Variants in MTHFD2L observed in about 807,000 individuals in gnomAD.
The protein encoded by MTHFD2L is bifunctional methylenetetrahydrofolate dehydrogenase/cyclohydrolase 2, mitochondrial.
In MTHFD2L, 29 loss-of-function variants were observed where a neutral mutation model predicts 34.9. The ratio of observed to expected loss-of-function variants is 0.83; its 90% CI spans 0.62 to 1.13. The LOEUF is 1.13. Among genes scored for constraint, MTHFD2L ranks in the 50% most tolerant of loss-of-function variants. MTHFD2L has a pLI of 0.00. For synonymous variants in MTHFD2L, 167 were observed against 155.7 expected (o/e 1.07, Z -0.54); for missense variants, 481 against 446.5 (o/e 1.08, Z -0.70).
intron 3 of MTHFD2L, among the ~76,000 whole-genome samples, chr4:74,192,827 T>A (rs1336972426): frequency 6.6e-6 from 1 of 152,044 alleles, no homozygotes; most frequent in Non-Finnish European, 1.5e-5. Flanking sequence ...GTGCTTTTTT[T>A]TATATATCTG....
chr4:74,234,540 A>C (rs1393070810), intron 6 of MTHFD2L, among the ~76,000 whole-genome samples: 1 of 152,068 alleles, frequency 6.6e-6, no homozygotes, highest in African/African-American at 2.4e-5. Flanking sequence ...GTAATGTTTA[A>C]GTTTATACAT....
intron 6 of MTHFD2L, among the ~76,000 whole-genome samples, chr4:74,239,613 T>C (rs1005797663): frequency 6.6e-6 from 1 of 152,162 alleles, no homozygotes; most frequent in Non-Finnish European, 1.5e-5. Flanking sequence ...ATGTGAGAAT[T>C]AACGAGTACT....
chr4:74,289,170 A>G (rs1483666065), intron 7 of MTHFD2L, among the ~76,000 whole-genome samples: 1 of 152,232 alleles, frequency 6.6e-6, no homozygotes, highest in African/African-American at 2.4e-5. Context: ...ACATATCTAT[A>G]TAACAAGGCA....
At chr4:74,300,251 A>G (rs575428965) in intron 7 of MTHFD2L, among the ~76,000 whole-genome samples, 19 of 152,110 alleles carry the variant, frequency 1.2e-4, no homozygotes, top group African/African-American at 3.9e-4. Context: ...CATGTTAACT[A>G]TATATATTTT....
At chr4:74,246,429 G>A (rs886303681) in intron 6 of MTHFD2L, among the ~76,000 whole-genome samples, 2 of 151,696 alleles carry the variant, frequency 1.3e-5, no homozygotes, top group African/African-American at 4.8e-5. Flanking sequence ...TTTGTAGGTT[G>A]CCTGTTCACT....
rs1006120574 is a variant in MTHFD2L, at chr4:74,158,250, G to C, written c.112G>C (p.Ala38Pro). ...SVRAPGEPGS[A>P]FRGFRSSGVR... is the part of the protein sequence containing the mutation. ...AAGGGCACCGGGAGAGCCCGGGAGT[G>C]CGTTCCGGGGCTTTCGGAGCAGCGG... is the stretch of plus-strand genomic sequence containing the variant. Residue 38 changes from alanine (A) to proline (P), a missense_variant, in exon 1 of 8, where the codon GCG (alanine) becomes CCG (proline). Ala to Pro is a conservative substitution (Grantham distance 27). Coordinates refer to ENST00000325278, the MANE Select transcript of MTHFD2L (RefSeq NM_001144978.3). 25 of 1,462,798 alleles carry C rather than the reference G, an allele frequency of 1.7e-5. No individual in the cohort carries two copies. The highest frequency in any genetic ancestry group is 1.0e-4 in the African/African-American group (7 of 68,786). 90.6% of individuals were successfully genotyped at this position (1,462,798 alleles called of 1,614,324 possible). A position where few individuals can be genotyped will look rare whatever the true frequency, so the allele number is the denominator to read the frequency against.
intron 5 of MTHFD2L, among the ~76,000 whole-genome samples, chr4:74,204,161 T>G (rs1734921594): frequency 6.6e-6 from 1 of 152,068 alleles, no homozygotes; most frequent in Non-Finnish European, 1.5e-5. Flanking sequence ...AGACATGGAG[T>G]CAGGCCCCCT....
Position 74,164,065 on chromosome 4 carries a change from C to T in MTHFD2L, c.143+5784C>T, listed in dbSNP as rs184079749. On this transcript the variant is annotated intron_variant, in intron 1 of 7. Coordinates refer to ENST00000325278, the MANE Select transcript of MTHFD2L (RefSeq NM_001144978.3). Reference sequence around the variant, plus strand: ...TAATTTTTTGTATTTTTAGTAGGGACGGGGTTTCACCGTGTTAGCCAGGAT... The same window carrying T: ...TAATTTTTTGTATTTTTAGTAGGGATGGGGTTTCACCGTGTTAGCCAGGAT... 2.5e-3 allele frequency among the ~76,000 whole-genome samples: 373 copies of T among 152,194 alleles called. 9 individuals are homozygous for T. The East Asian group carries it at 0.039, about 16-fold the overall frequency.
intron 1 of MTHFD2L, among the ~76,000 whole-genome samples, chr4:74,165,978 A>G (rs964949209): frequency 2.6e-5 from 4 of 152,218 alleles, no homozygotes; most frequent in African/African-American, 9.6e-5. Flanking sequence ...GATAGGGGAA[A>G]ATTAAAGTTT....
chr4:74,137,709 T>C (rs2109824650), intron 1 of MTHFD2L, among the ~76,000 whole-genome samples: 1 of 152,268 alleles, frequency 6.6e-6, no homozygotes, highest in East Asian at 1.9e-4. Context: ...TCAATTTAAG[T>C]GCCCATAAAT....
upstream of MTHFD2L, among the ~76,000 whole-genome samples, chr4:74,121,502 A>G (rs1216987761): frequency 6.7e-6 from 1 of 150,042 alleles, no homozygotes; most frequent in East Asian, 1.9e-4. Flanking sequence ...ACTGCCTCCC[A>G]TCACCTGCAC....
rs1319568158 is a variant in MTHFD2L at position 74,274,139 on chromosome 4, A to G, written c.806-7286A>G. 7.2e-5 allele frequency among the ~76,000 whole-genome samples: 11 copies of G among 152,242 alleles called. No individual in the cohort carries two copies. In the East Asian group the frequency reaches 2.1e-3, roughly 29 times the overall value. On this transcript the variant is annotated intron_variant, in intron 6 of 7. Coordinates refer to ENST00000325278, the MANE Select transcript of MTHFD2L (RefSeq NM_001144978.3). Reference sequence around the variant, plus strand: ...AGTGCTGGGATTACAGGCATAAGCCACTACACCCAGCCTGTCAAAATCAGT... The same window carrying G: ...AGTGCTGGGATTACAGGCATAAGCCGCTACACCCAGCCTGTCAAAATCAGT...
chr4:74,180,896 A>T (rs1486619102), intron 3 of MTHFD2L: 1 of 183,416 alleles, frequency 5.5e-6, no homozygotes, highest in African/African-American at 2.4e-5. Context: ...TTTATGTTAT[A>T]TTCTTTTTTT....
rs373840054 is a variant in MTHFD2L at position 74,246,859 on chromosome 4, A to C, written c.805+21465A>C. ...CTGTATCTCTGTTTTGGTACCAGTA[A>C]CATGCTGTTTTGGTTACTGTAGCCT... On this transcript the variant is annotated intron_variant, in intron 6 of 7. Transcript: ENST00000325278. Among the ~76,000 whole-genome samples the C allele has an allele frequency of 1.4e-4, 21 of 152,178 alleles. No homozygotes were observed. The South Asian group carries it at 1.5e-3, about 11-fold the overall frequency.
intron 1 of MTHFD2L, among the ~76,000 whole-genome samples, chr4:74,139,144 T>C (rs1723133603): frequency 6.6e-6 from 1 of 152,186 alleles, no homozygotes; most frequent in African/African-American, 2.4e-5. Flanking sequence ...GAATTTCTTA[T>C]TTGTTTTTCC....
intron 3 of MTHFD2L, chr4:74,183,008 T>C (rs1730478148): frequency 6.6e-6 from 1 of 151,948 alleles, no homozygotes; most frequent in Non-Finnish European, 1.5e-5. Context: ...TCAAAGAAGC[T>C]CACCAAACTC....
chr4:74,150,361 C>T (rs954361620), intron 1 of MTHFD2L, among the ~76,000 whole-genome samples: 1 of 152,240 alleles, frequency 6.6e-6, no homozygotes, highest in Non-Finnish European at 1.5e-5. Flanking sequence ...TCAAGCGATT[C>T]TCCTGCCTTA....
chr4:74,165,591 C>T (rs1379703178), intron 1 of MTHFD2L, among the ~76,000 whole-genome samples: 1 of 152,176 alleles, frequency 6.6e-6, no homozygotes, highest in Non-Finnish European at 1.5e-5. Flanking sequence ...CTCCTGACCT[C>T]GTGATCCACC....
Position 74,160,018 on chromosome 4 carries a change from T to C in MTHFD2L, c.143+1737T>C. 3.2e-6 allele frequency: 4 copies of C among 1,264,006 alleles called. No homozygotes were observed. The African/African-American group carries it at 6.2e-5, about 20-fold the overall frequency. The allele number at this position is 1,264,006 out of a possible 1,614,324, so 78.3% of individuals were successfully genotyped here. On this transcript the variant is annotated intron_variant, in intron 1 of 7. Transcript: ENST00000325278. ...CTCGGGTGGGGAGGAATTCGGACAGTGTGTTGATGCTTATTGGTGTCTCTT... is the reference window on the plus strand; with the variant it reads ...CTCGGGTGGGGAGGAATTCGGACAGCGTGTTGATGCTTATTGGTGTCTCTT...
Sources: allele counts gnomAD v4.1 joint callset (sites outside exome capture counted in the v4.1 genomes callset), GRCh38; gene constraint gnomAD v4.1.1; transcripts MANE v1.5; gene names NCBI Gene and HGNC (gene_info 2026-07-23, HGNC 2026-07-21).